Variants in IGSF11 observed in about 807,000 individuals in gnomAD.
IGSF11 encodes the protein CXADR like 1.
IGSF11 carries 22 observed loss-of-function variants against 41.0 expected under a neutral mutation model. That is an observed-to-expected ratio of 0.54 (90% CI 0.38 to 0.77). The LOEUF is 0.77. IGSF11 is among the 30% of genes least tolerant of loss of function. IGSF11 has a pLI of 0.00. For missense variants in IGSF11, 444 were observed against 530.8 expected (o/e 0.84, Z 1.61); for synonymous variants, 219 against 201.3 (o/e 1.09, Z -0.74).
At chr3:119,118,865 C>G (rs1195195695) in intron 1 of IGSF11, among the ~76,000 whole-genome samples, 2 of 152,148 alleles carry the variant, frequency 1.3e-5, no homozygotes, top group Non-Finnish European at 2.9e-5. Context: ...TTCCAAAAAT[C>G]TCTAGGACAG....
At chr3:119,092,169 G>A (rs1405541871) in intron 1 of IGSF11, among the ~76,000 whole-genome samples, 2 of 151,868 alleles carry the variant, frequency 1.3e-5, no homozygotes, top group African/African-American at 2.4e-5. Flanking sequence ...GTGCCACCAC[G>A]CCCTGTGTTC....
intron 1 of IGSF11, among the ~76,000 whole-genome samples, chr3:119,012,489 A>G (rs1938242163): frequency 6.6e-6 from 1 of 152,208 alleles, no homozygotes; most frequent in African/African-American, 2.4e-5. Context: ...CCACTTTACC[A>G]TGCAATCTAG....
At chr3:119,041,760 C>T (rs953876370) in intron 1 of IGSF11, among the ~76,000 whole-genome samples, 1 of 151,902 alleles carries the variant, frequency 6.6e-6, no homozygotes, top group African/African-American at 2.4e-5. Flanking sequence ...AAGCAGAAAA[C>T]GTGGATAGTC....
At chr3:118,953,357 C>T (rs911000492) in intron 1 of IGSF11, among the ~76,000 whole-genome samples, 1 of 152,138 alleles carries the variant, frequency 6.6e-6, no homozygotes, top group Non-Finnish European at 1.5e-5. Context: ...GCTATAAACA[C>T]ACATGTGAAA....
chr3:118,910,228 T>C (rs1940101523), intron 4 of IGSF11, among the ~76,000 whole-genome samples: 1 of 152,190 alleles, frequency 6.6e-6, no homozygotes, highest in Non-Finnish European at 1.5e-5. Flanking sequence ...TTATCATTAT[T>C]TCAATCCCCA....
intron 1 of IGSF11, among the ~76,000 whole-genome samples, chr3:119,125,108 C>T (rs540362814): frequency 1.3e-5 from 2 of 152,264 alleles, no homozygotes; most frequent in Admixed American, 6.5e-5. Context: ...CCCCGACAAA[C>T]AAAAGCTGAA....
intron 1 of IGSF11, among the ~76,000 whole-genome samples, chr3:118,949,040 G>A (rs973323248): frequency 6.7e-6 from 1 of 148,464 alleles, no homozygotes. Context: ...AAATGATAAC[G>A]AAGGCAAAGA....
At chr3:118,959,489 A>G (rs1343894377) in intron 1 of IGSF11, among the ~76,000 whole-genome samples, 1 of 152,246 alleles carries the variant, frequency 6.6e-6, no homozygotes, top group African/African-American at 2.4e-5. Flanking sequence ...TCATGATGGA[A>G]TAATAGGTGA....
chr3:119,063,510 C>T (rs981996131), intron 1 of IGSF11, among the ~76,000 whole-genome samples: 11 of 151,560 alleles, frequency 7.3e-5, no homozygotes, highest in Non-Finnish European at 1.5e-4. Context: ...ATGAACAGTG[C>T]AGGTACCTAG....
In IGSF11 at chr3:119,028,096, T is replaced by C. The variant is rs146728193; in HGVS notation, c.52+6435A>G. Among the ~76,000 whole-genome samples, 280 of 152,290 alleles carry C rather than the reference T, an allele frequency of 1.8e-3. 1 individual carries two copies. Among genetic ancestry groups the C allele is most frequent in the Admixed American group, 2.9e-3 (45 of 15,294 alleles). On this transcript the variant is annotated intron_variant, in intron 1 of 6. Transcript: ENST00000393775. ...AAAAAGACTAAGTATTAAGCCTTGA[T>C]GTTTGATGTTATTTAAGCCATCTTT...
intron 1 of IGSF11, among the ~76,000 whole-genome samples, chr3:119,084,625 A>G (rs2076640736): frequency 6.6e-6 from 1 of 152,222 alleles, no homozygotes. Context: ...ACTGGGGCAC[A>G]TCTGCCCTGC....
chr3:119,121,173 G>T (rs1320254793), intron 1 of IGSF11, among the ~76,000 whole-genome samples: 1 of 152,006 alleles, frequency 6.6e-6, no homozygotes, highest in African/African-American at 2.4e-5. Context: ...AAAAAAACAG[G>T]AAAATATCAC....
chr3:118,963,190 A>G (rs944332336), intron 1 of IGSF11, among the ~76,000 whole-genome samples: 1 of 152,206 alleles, frequency 6.6e-6, no homozygotes, highest in African/African-American at 2.4e-5. Flanking sequence ...CAGATACTCA[A>G]ATCAGAATCT....
intron 4 of IGSF11, among the ~76,000 whole-genome samples, chr3:118,906,463 CT>C (rs1939614035): frequency 6.6e-6 from 1 of 152,198 alleles, no homozygotes; most frequent in Non-Finnish European, 1.5e-5. Flanking sequence ...GAGTCCCATG[CT>C]TTGCAGAAAT....
intron 1 of IGSF11, among the ~76,000 whole-genome samples, chr3:119,046,093 A>T (rs367844018): frequency 3.3e-5 from 5 of 151,124 alleles, no homozygotes; most frequent in African/African-American, 1.2e-4. Flanking sequence ...GCGCCTCTCC[A>T]CCTCCAAAGG....
rs971279676 is a variant in IGSF11, at chr3:119,073,422, G to A, written c.49+31722C>T. 7.2e-5 allele frequency among the ~76,000 whole-genome samples: 11 copies of A among 152,332 alleles called. No individual in the cohort carries two copies. In the East Asian group the frequency reaches 1.2e-3, roughly 16 times the overall value. ...TGCACTCCTCAGCCCTTGGGCGATC[G>A]ATGGGGACTGGATGCCATGGTGCCA... On this transcript the variant is annotated intron_variant, in intron 1 of 6. Transcript: ENST00000354673.
chr3:119,094,320 C>T (rs930166416), intron 1 of IGSF11, among the ~76,000 whole-genome samples: 2 of 132,292 alleles, frequency 1.5e-5, no homozygotes, highest in African/African-American at 2.8e-5. Context: ...GAGTAATATT[C>T]ATTTACTAAT....
chr3:119,004,206 CG>C (rs1284566853), intron 1 of IGSF11, among the ~76,000 whole-genome samples: 10 of 149,992 alleles, frequency 6.7e-5, no homozygotes, highest in African/African-American at 2.0e-4. Context: ...GTGTATGTGT[CG>C]AGGAATGTAT....
chr3:119,057,269 G>T (rs1191284623), intron 1 of IGSF11, among the ~76,000 whole-genome samples: 1 of 152,162 alleles, frequency 6.6e-6, no homozygotes, highest in Non-Finnish European at 1.5e-5. Flanking sequence ...AGCAACTTCA[G>T]CAAAGTCTCA....
Sources: allele counts gnomAD v4.1 joint callset (sites outside exome capture counted in the v4.1 genomes callset), GRCh38; gene constraint gnomAD v4.1.1; transcripts MANE v1.5; gene names NCBI Gene and HGNC (gene_info 2026-07-23, HGNC 2026-07-21).